The following HOMER2 variants were observed in gnomAD, a reference collection of about 807,000 sequenced individuals.
HOMER2 encodes the protein homer protein homolog 2.
HOMER2 carries 27 observed loss-of-function variants against 47.0 expected under a neutral mutation model. That is an observed-to-expected ratio of 0.57 (90% CI 0.42 to 0.79). The LOEUF (loss-of-function observed/expected upper bound fraction) is 0.79. Among genes scored for constraint, HOMER2 ranks in the 30% least tolerant of loss-of-function variants. The pLI is 0.00. For synonymous variants in HOMER2, 161 were observed against 163.8 expected (o/e 0.98, Z 0.13); for missense variants, 443 against 435.0 (o/e 1.02, Z -0.16).
chr15:82,879,849 A>C (rs1174171029), intron 2 of HOMER2, among the ~76,000 whole-genome samples: 2 of 152,256 alleles, frequency 1.3e-5, no homozygotes, highest in African/African-American at 4.8e-5. Context: ...AGAACTTGCA[A>C]AAACAATGTC....
At chr15:82,859,539 G>A (rs1242908482) in intron 4 of HOMER2, among the ~76,000 whole-genome samples, 2 of 152,106 alleles carry the variant, frequency 1.3e-5, no homozygotes, top group African/African-American at 2.4e-5. Context: ...AAGCCACAAG[G>A]GAGGAGGGAC....
chr15:82,924,023 T>G (rs1008343514), intron 1 of HOMER2, among the ~76,000 whole-genome samples: 1 of 152,020 alleles, frequency 6.6e-6, no homozygotes, highest in Non-Finnish European at 1.5e-5. Flanking sequence ...CGTGCAGACA[T>G]AGAGAGACAG....
At chr15:82,897,385 A>G (rs2052969757) in intron 1 of HOMER2, among the ~76,000 whole-genome samples, 1 of 152,036 alleles carries the variant, frequency 6.6e-6, no homozygotes, top group Admixed American at 6.6e-5. Flanking sequence ...TTTCTAAGTG[A>G]CATGGAAACC....
At chr15:82,949,602 G>C (rs2054461287) in intron 1 of HOMER2, among the ~76,000 whole-genome samples, 1 of 152,158 alleles carries the variant, frequency 6.6e-6, no homozygotes, top group Admixed American at 6.5e-5. Flanking sequence ...AAAGTGAATG[G>C]AGCCAGTGGG....
chr15:82,971,972 G>T (rs892748354), intron 1 of HOMER2, among the ~76,000 whole-genome samples: 1 of 152,154 alleles, frequency 6.6e-6, no homozygotes, highest in Admixed American at 6.5e-5. Context: ...TTATCCTGGG[G>T]TTTCAACCAA....
At chr15:82,961,747 C>T (rs1218371112) in intron 1 of HOMER2, among the ~76,000 whole-genome samples, 1 of 152,140 alleles carries the variant, frequency 6.6e-6, no homozygotes, top group Non-Finnish European at 1.5e-5. Context: ...ATCTCCAGAA[C>T]TTCTCCATTA....
intron 1 of HOMER2, among the ~76,000 whole-genome samples, chr15:82,896,809 T>C (rs532651528): frequency 2.0e-5 from 3 of 152,282 alleles, no homozygotes; most frequent in East Asian, 1.9e-4. Context: ...ACTGGGGAGT[T>C]CCATGCTATT....
chr15:82,851,320 G>A, intron 7 of HOMER2, 89 bp from the exon 8 acceptor site: 1 of 857,372 alleles, frequency 1.2e-6, no homozygotes, highest in Middle Eastern at 2.2e-4. Flanking sequence ...GCTCGTGGAA[G>A]CAGCTTTGGG....
At chr15:82,892,572 T>C (rs1304368318) in intron 2 of HOMER2, 113 bp downstream of exon 2, 3 of 790,842 alleles carry the variant, frequency 3.8e-6, no homozygotes, top group East Asian at 2.7e-5. Flanking sequence ...GAACAGAATA[T>C]GTTATACAGA....
chr15:82,858,980 A>C, intron 5 of HOMER2, 49 bp downstream of exon 5: 1 of 1,581,014 alleles, frequency 6.3e-7, no homozygotes, highest in African/African-American at 1.3e-5. Context: ...GCTTCTAGGG[A>C]AGTGCTGAAG....
chr15:82,891,018 C>T (rs1342543102), intron 2 of HOMER2, among the ~76,000 whole-genome samples: 1 of 152,188 alleles, frequency 6.6e-6, no homozygotes, highest in Non-Finnish European at 1.5e-5. Flanking sequence ...GGCACTAGCA[C>T]ACTTCCTTAC....
intron 1 of HOMER2, among the ~76,000 whole-genome samples, chr15:82,944,474 A>G (rs915962136): frequency 6.6e-6 from 1 of 152,238 alleles, no homozygotes; most frequent in Non-Finnish European, 1.5e-5. Flanking sequence ...CCTGGGGGGA[A>G]AAAACAAAGT....
chr15:82,865,477 A>G (rs188751655), intron 3 of HOMER2, among the ~76,000 whole-genome samples: 1 of 152,000 alleles, frequency 6.6e-6, no homozygotes, highest in Admixed American at 6.6e-5. Context: ...CCACTTTAGG[A>G]AAAAAAAATC....
rs1254340331 is a variant in HOMER2 at position 82,913,029 on chromosome 15, A to G, written c.6-20188T>C. Among the ~76,000 whole-genome samples, 6 of 152,240 alleles carry G rather than the reference A, an allele frequency of 3.9e-5. No individual in the cohort carries two copies. Among genetic ancestry groups the G allele is most frequent in the African/African-American group, 1.4e-4 (6 of 41,454 alleles). The stretch of plus-strand genomic sequence containing the variant: ...GCTCTTAGAAATACTGAAAACACAG[A>G]AAACTGGGGTGTAGAGAGACAAGAG... On this transcript the variant is annotated intron_variant, in intron 1 of 8. Coordinates refer to ENST00000450735, the MANE Select transcript of HOMER2 (RefSeq NM_004839.4). The surrounding 1 kb of genome is among the most constrained non-coding windows in gnomAD (Gnocchi z 4.1).
intron 1 of HOMER2, among the ~76,000 whole-genome samples, chr15:82,945,139 ATCTTGGTCTCCTCTACCATT>A (rs1052497133): frequency 2.0e-5 from 3 of 151,732 alleles, no homozygotes; most frequent in Non-Finnish European, 4.4e-5. Context: ...GTTAATTGTG[ATCTTGGTCTCCTCTACCATT>A]TCTTTCCTTC....
At chr15:82,981,624 T>C (rs1173634376) in intron 1 of HOMER2, among the ~76,000 whole-genome samples, 1 of 152,224 alleles carries the variant, frequency 6.6e-6, no homozygotes, top group Non-Finnish European at 1.5e-5. Flanking sequence ...TGTCCATTAA[T>C]AGATGAATGG....
intron 1 of HOMER2, among the ~76,000 whole-genome samples, chr15:82,907,331 T>G (rs1454331826): frequency 6.8e-6 from 1 of 147,952 alleles, no homozygotes; most frequent in African/African-American, 2.5e-5. Flanking sequence ...CACTCCAGCC[T>G]GGGCGACAGA....
At chr15:82,891,804 C>G (rs1025828268) in intron 2 of HOMER2, among the ~76,000 whole-genome samples, 12 of 152,132 alleles carry the variant, frequency 7.9e-5, no homozygotes, top group African/African-American at 2.4e-4. Context: ...ACTTGACAAA[C>G]TTAAAGAAGG....
At chr15:82,879,169 T>C (rs1310957944) in intron 2 of HOMER2, among the ~76,000 whole-genome samples, 3 of 152,208 alleles carry the variant, frequency 2.0e-5, no homozygotes, top group Non-Finnish European at 4.4e-5. Flanking sequence ...TCTCCTTCCT[T>C]TCATCTATTT....
Sources: allele counts gnomAD v4.1 joint callset (sites outside exome capture counted in the v4.1 genomes callset), GRCh38; gene constraint gnomAD v4.1.1; non-coding constraint Gnocchi (gnomAD v3.1); transcripts MANE v1.5; gene names NCBI Gene and HGNC (gene_info 2026-07-23, HGNC 2026-07-21).